MGMT: variants seen among roughly 807,000 people sequenced by gnomAD.
The protein encoded by MGMT is methylated-DNA--protein-cysteine methyltransferase.
A neutral mutation model predicts 15.9 loss-of-function variants in MGMT; 14 were observed. That is an observed-to-expected ratio of 0.88 (90% CI 0.58 to 1.37). The LOEUF (loss-of-function observed/expected upper bound fraction) is 1.37. Among genes scored for constraint, MGMT ranks in the 40% most tolerant of loss-of-function variants. MGMT has a pLI of 0.00. For synonymous variants in MGMT, 130 were observed against 118.2 expected, an observed-to-expected ratio of 1.10 and a Z score of -0.65; for missense variants, 282 against 268.1, an observed-to-expected ratio of 1.05 and a Z score of -0.36.
intron 3 of MGMT, among the ~76,000 whole-genome samples, chr10:129,722,270 T>C (rs1438275734): frequency 6.6e-6 from 1 of 152,158 alleles, no homozygotes; most frequent in Non-Finnish European, 1.5e-5. Context: ...AAGTAAATTA[T>C]AAAACAGTTG....
intron 2 of MGMT, among the ~76,000 whole-genome samples, chr10:129,585,761 T>C (rs1054831898): frequency 3.3e-5 from 5 of 152,178 alleles, no homozygotes; most frequent in Non-Finnish European, 7.3e-5. Context: ...AGCCCATGCA[T>C]ATGGAGGGCC....
intron 2 of MGMT, among the ~76,000 whole-genome samples, chr10:129,605,071 C>T (rs185915105): frequency 5.9e-5 from 9 of 152,240 alleles, no homozygotes; most frequent in Non-Finnish European, 1.3e-4. Flanking sequence ...AAAAACTTGA[C>T]TGCATCTTGT....
chr10:129,686,840 C>T (rs939007087), intron 2 of MGMT, among the ~76,000 whole-genome samples: 21 of 152,292 alleles, frequency 1.4e-4, no homozygotes, highest in South Asian at 4.1e-4. Flanking sequence ...GAGAACAGAA[C>T]GTGCTTGCCC....
chr10:129,584,002 G>A lies in MGMT; in HGVS notation c.125+47625G>A, dbSNP rs78133106. ...TGCTCCACCGTGCACCGAAGACTTG[G>A]CATGTCAGTGGAGCCAGGAAGTCTC... On this transcript the variant is annotated intron_variant, in intron 2 of 4. Transcript: ENST00000651593. 2.3e-3 allele frequency among the ~76,000 whole-genome samples: 346 copies of A among 152,296 alleles called. 1 individual carries two copies. The highest frequency in any genetic ancestry group is 8.0e-3 in the African/African-American group (332 of 41,576).
intron 3 of MGMT, among the ~76,000 whole-genome samples, chr10:129,739,652 C>G (rs777016314): frequency 1.3e-5 from 2 of 152,116 alleles, no homozygotes; most frequent in Non-Finnish European, 2.9e-5. Context: ...AGATCAGAAC[C>G]AGGTCAGAAC....
At chr10:129,550,509 C>G (rs1294319924) in intron 2 of MGMT, among the ~76,000 whole-genome samples, 2 of 150,638 alleles carry the variant, frequency 1.3e-5, no homozygotes, top group Non-Finnish European at 3.0e-5. Flanking sequence ...TACAGTGGTG[C>G]GATCTCGGCT....
chr10:129,758,265 G>A (rs1484969903), intron 3 of MGMT, among the ~76,000 whole-genome samples: 1 of 152,092 alleles, frequency 6.6e-6, no homozygotes, highest in African/African-American at 2.4e-5. Context: ...TGTTCTTGTG[G>A]ACACACTCAG....
intron 3 of MGMT, among the ~76,000 whole-genome samples, chr10:129,711,421 G>A (rs1295694917): frequency 1.3e-5 from 2 of 152,204 alleles, no homozygotes; most frequent in Non-Finnish European, 2.9e-5. Flanking sequence ...CCGACCGGGT[G>A]TCCGGAGGTC....
rs927794434 is a variant in MGMT at position 129,767,237 on chromosome 10, G to A, written c.*240G>A. ...TTTCATGTCCATTAAAACAGGCCAA[G>A]TGAGTGTGGAAGGCCTGGCTCATGT... On this transcript the variant is annotated 3_prime_UTR_variant, in exon 5 of 5. Coordinates refer to ENST00000651593, the MANE Select transcript of MGMT (RefSeq NM_002412.5). 2.5e-6 allele frequency: 1 copy of A among 406,600 alleles called. No homozygotes were observed. 25.2% of individuals were successfully genotyped at this position (406,600 alleles called of 1,614,324 possible). A position where few individuals can be genotyped will look rare whatever the true frequency, so the allele number is the denominator to read the frequency against.
At chr10:129,628,970 C>T (rs1351868870) in intron 2 of MGMT, among the ~76,000 whole-genome samples, 1 of 152,220 alleles carries the variant, frequency 6.6e-6, no homozygotes, top group African/African-American at 2.4e-5. Context: ...CCGCCCACTC[C>T]CAGCGCCACT....
intron 3 of MGMT, among the ~76,000 whole-genome samples, chr10:129,730,280 G>A (rs1017585822): frequency 6.6e-6 from 1 of 152,178 alleles, no homozygotes; most frequent in East Asian, 1.9e-4. Context: ...AATGGAAGAC[G>A]TGAACTGATG....
intron 2 of MGMT, among the ~76,000 whole-genome samples, chr10:129,565,044 G>A (rs117361771): frequency 0.032 from 4,941 of 152,308 alleles, 128 homozygotes; most frequent in South Asian, 0.065. Context: ...TTGACTTTGC[G>A]ACACGCACAT....
chr10:129,756,433 C>A (rs1163927662), intron 3 of MGMT, among the ~76,000 whole-genome samples: 2 of 152,138 alleles, frequency 1.3e-5, no homozygotes, highest in Admixed American at 6.5e-5. Flanking sequence ...TGGGGAGGCC[C>A]ATGGTGAAAG....
intron 3 of MGMT, among the ~76,000 whole-genome samples, chr10:129,711,010 ATTT>A (rs1392855586): frequency 6.6e-6 from 1 of 152,184 alleles, no homozygotes; most frequent in African/African-American, 2.4e-5. Flanking sequence ...ATGTGATTGT[ATTT>A]GAGCTCATCC....
At chr10:129,544,593 A>G (rs1846079387) in intron 2 of MGMT, among the ~76,000 whole-genome samples, 2 of 152,190 alleles carry the variant, frequency 1.3e-5, no homozygotes. Context: ...CCTGGCCCTC[A>G]CTACCCTGTT....
intron 4 of MGMT, among the ~76,000 whole-genome samples, chr10:129,763,871 C>T (rs984184182): frequency 6.6e-6 from 1 of 152,186 alleles, no homozygotes. Flanking sequence ...GTTACTACAC[C>T]TCACTCTAGT....
intron 2 of MGMT, among the ~76,000 whole-genome samples, chr10:129,609,401 C>T (rs1221714664): frequency 6.6e-6 from 1 of 151,864 alleles, no homozygotes; most frequent in Non-Finnish European, 1.5e-5. Context: ...AATCTCTGGC[C>T]CCATCTGGAG....
chr10:129,506,200 C>G (rs1023294601), intron 1 of MGMT, among the ~76,000 whole-genome samples: 3 of 152,074 alleles, frequency 2.0e-5, no homozygotes, highest in African/African-American at 7.2e-5. Context: ...AGCCCCACAA[C>G]AAAGAGGAAT....
intron 1 of MGMT, among the ~76,000 whole-genome samples, chr10:129,516,934 A>G (rs901363987): frequency 2.0e-5 from 3 of 152,240 alleles, no homozygotes; most frequent in Non-Finnish European, 4.4e-5. Context: ...ATCAAAATGT[A>G]AATACCAACT....
Sources: allele counts gnomAD v4.1 joint callset (sites outside exome capture counted in the v4.1 genomes callset), GRCh38; gene constraint gnomAD v4.1.1; transcripts MANE v1.5; gene names NCBI Gene and HGNC (gene_info 2026-07-23, HGNC 2026-07-21).